PLCG2: variants seen among roughly 807,000 people sequenced by gnomAD.
The protein encoded by PLCG2 is 1-phosphatidylinositol 4,5-bisphosphate phosphodiesterase gamma-2.
A neutral mutation model predicts 175.6 loss-of-function variants in PLCG2; 69 were observed. That is an observed-to-expected ratio of 0.39 (90% confidence interval 0.32 to 0.48). PLCG2 has a LOEUF of 0.48. Among genes scored for constraint, PLCG2 ranks in the 20% least tolerant of loss-of-function variants. PLCG2 has a pLI of 0.91. For missense variants in PLCG2, 1,798 were observed against 1,650.9 expected (o/e 1.09, Z -1.54); for synonymous variants, 827 against 624.0 (o/e 1.33, Z -4.85).
chr16:81,778,761 C>A (rs1182341875), upstream of PLCG2, among the ~76,000 whole-genome samples: 1 of 152,110 alleles, frequency 6.6e-6, no homozygotes, highest in Non-Finnish European at 1.5e-5. Context: ...CAAATTAGGG[C>A]CATGAATTGG....
At position 81,937,922 on chromosome 16, in the gene PLCG2, T is replaced by C. The variant is rs745575270; in HGVS notation, c.3198+19T>C. ...AGTCAAGGTAAAGCCAGCCCTCCCTTCCTGCCAGGGGAGCCAGCCGCCCTC... is the reference window on the plus strand; with the variant it reads ...AGTCAAGGTAAAGCCAGCCCTCCCTCCCTGCCAGGGGAGCCAGCCGCCCTC... On this transcript the variant is annotated intron_variant, in intron 28 of 32. Coordinates refer to ENST00000564138, the MANE Select transcript of PLCG2 (RefSeq NM_002661.5). 1 of 1,612,864 alleles carries C rather than the reference T, an allele frequency of 6.2e-7. No individual in the cohort carries two copies. Among genetic ancestry groups the C allele is most frequent in the South Asian group, 1.1e-5 (1 of 90,986 alleles).
intron 23 of PLCG2, among the ~76,000 whole-genome samples, chr16:81,928,185 A>G (rs1475246590): frequency 1.3e-5 from 2 of 152,158 alleles, no homozygotes; most frequent in African/African-American, 2.4e-5. Context: ...ATGGGGAGCC[A>G]CAGAAGGTTC....
intron 4 of PLCG2, 119 bp from the exon 5 acceptor site, chr16:81,858,997 G>C (rs1391786546): frequency 1.6e-6 from 1 of 614,036 alleles, no homozygotes. Flanking sequence ...TTAGAAAGTT[G>C]GAAGACTCCT....
At chr16:81,828,077 C>G (rs1211677717) in intron 2 of PLCG2, among the ~76,000 whole-genome samples, 1 of 74,984 alleles carries the variant, frequency 1.3e-5, no homozygotes, top group Admixed American at 2.0e-4. Flanking sequence ...GCAACAAGAG[C>G]AAAACTCCGT....
At chr16:81,921,143 AG>A in intron 20 of PLCG2, 54 bp from the exon 21 acceptor site, 2 of 1,071,556 alleles carry the variant, frequency 1.9e-6, no homozygotes, top group East Asian at 4.7e-5. Flanking sequence ...GTTATATGTA[AG>A]GGCTATTCCA....
intron 2 of PLCG2, among the ~76,000 whole-genome samples, chr16:81,813,763 G>A (rs193060474): frequency 4.8e-4 from 73 of 152,116 alleles, no homozygotes; most frequent in African/African-American, 1.3e-3. Context: ...TTTGTGCAGC[G>A]TCTCTCCCTG....
intron 2 of PLCG2, 128 bp from the exon 3 acceptor site, chr16:81,854,316 G>C (rs80212463): frequency 0.027 from 22,271 of 824,994 alleles, 422 homozygotes; most frequent in South Asian, 0.055. Flanking sequence ...TCCAGACGCA[G>C]AGATAGCTTT....
intron 2 of PLCG2, among the ~76,000 whole-genome samples, chr16:81,832,042 GAC>G (rs1905279929): frequency 6.6e-6 from 1 of 152,250 alleles, no homozygotes; most frequent in Admixed American, 6.5e-5. Flanking sequence ...TGGGCACTCG[GAC>G]ACAGTTACCA....
intron 2 of PLCG2, among the ~76,000 whole-genome samples, chr16:81,801,620 C>T (rs958947501): frequency 6.6e-6 from 1 of 152,116 alleles, no homozygotes; most frequent in Non-Finnish European, 1.5e-5. Flanking sequence ...TAGGATTCTA[C>T]CTTATTTTTT....
At chr16:81,757,090 A>G (rs1300531637) in intron 2 of PLCG2, among the ~76,000 whole-genome samples, 1 of 152,206 alleles carries the variant, frequency 6.6e-6, no homozygotes, top group African/African-American at 2.4e-5. Flanking sequence ...AAAGACAATC[A>G]TTTTGGAATA....
At chr16:81,800,020 T>G (rs1019485447) in intron 2 of PLCG2, among the ~76,000 whole-genome samples, 1 of 152,220 alleles carries the variant, frequency 6.6e-6, no homozygotes, top group Admixed American at 6.5e-5. Context: ...CTTATCCCAT[T>G]TGTGGCCATG....
chr16:81,749,471 G>C (rs570250225), intron 1 of PLCG2, among the ~76,000 whole-genome samples: 4 of 152,094 alleles, frequency 2.6e-5, no homozygotes, highest in Non-Finnish European at 4.4e-5. Flanking sequence ...TCCTGCCTCA[G>C]CCTCCTGAGT....
chr16:81,758,744 C>G (rs1909980766), intron 2 of PLCG2, among the ~76,000 whole-genome samples: 1 of 151,274 alleles, frequency 6.6e-6, no homozygotes, highest in Admixed American at 6.6e-5. Context: ...GTGGCACAAT[C>G]TCAGCTCACT....
At chr16:81,893,894 G>A (rs1345180162) in intron 12 of PLCG2, 100 bp downstream of exon 12, 2 of 727,178 alleles carry the variant, frequency 2.8e-6, no homozygotes, top group African/African-American at 1.8e-5. Context: ...AGGTTTTAAT[G>A]GACACATAAT....
chr16:81,828,274 C>G lies in PLCG2; in HGVS notation c.194-26170C>G, dbSNP rs1369004291. 4.3e-5 allele frequency among the ~76,000 whole-genome samples: 4 copies of G among 92,126 alleles called. No homozygotes were observed. The East Asian group carries it at 1.5e-3, about 35-fold the overall frequency. The allele number at this position is 92,126 out of a possible 152,430, so 60.4% of individuals were successfully genotyped here. ...TTTTTTTTTTTTTTTGAGACAGAAT[C>G]TTGCTCTGTCACCCAGGCTGGAATG... On this transcript the variant is annotated intron_variant, in intron 2 of 32. Coordinates refer to ENST00000564138, the MANE Select transcript of PLCG2 (RefSeq NM_002661.5).
intron 2 of PLCG2, among the ~76,000 whole-genome samples, chr16:81,757,807 G>A (rs924076815): frequency 1.3e-5 from 2 of 151,534 alleles, no homozygotes; most frequent in African/African-American, 2.4e-5. Context: ...CCCTTAGGCC[G>A]TCACTCCCTA....
chr16:81,874,811 A>G (rs941624262), intron 7 of PLCG2, among the ~76,000 whole-genome samples: 2 of 152,150 alleles, frequency 1.3e-5, no homozygotes, highest in African/African-American at 2.4e-5. Context: ...CAGCAGGAGG[A>G]TAAGAAATGT....
rs771695879 is a variant in PLCG2, at chr16:81,931,492, C to G, written c.2582-5C>G. ...TTGGGACATTTCTTATTCTCTTACC[C>G]CAAGTGAAAGCCCCTCAGGGAAAAA... is the stretch of plus-strand genomic sequence containing the variant. On this transcript the variant is annotated splice_polypyrimidine_tract_variant and splice_region_variant and intron_variant, in intron 24 of 32. Coordinates refer to ENST00000564138, the MANE Select transcript of PLCG2 (RefSeq NM_002661.5). 5 of 1,613,684 alleles carry G rather than the reference C, an allele frequency of 3.1e-6. No individual in the cohort carries two copies. Among genetic ancestry groups the G allele is most frequent in the Middle Eastern group, 1.6e-4 (1 of 6,062 alleles).
intron 2 of PLCG2, among the ~76,000 whole-genome samples, chr16:81,800,831 A>T (rs1911687261): frequency 6.6e-6 from 1 of 152,096 alleles, no homozygotes; most frequent in African/African-American, 2.4e-5. Context: ...TGAGATGGGG[A>T]GATGATCCTG....
Sources: gnomAD v4.1 joint callset for allele counts (sites outside exome capture counted in the v4.1 genomes callset) on GRCh38, gnomAD v4.1.1 for gene constraint, MANE v1.5 for transcripts, NCBI Gene and HGNC (gene_info 2026-07-23, HGNC 2026-07-21) for gene names.